The following AKAP6 variants were observed in gnomAD, a reference collection of about 807,000 sequenced individuals.
AKAP6 encodes the protein A-kinase anchoring protein 6, also known as A-kinase anchor protein 6.
AKAP6 carries 58 observed loss-of-function variants against 188.5 expected under a neutral mutation model. The ratio of observed to expected loss-of-function variants is 0.31; its 90% CI spans 0.25 to 0.38. The LOEUF (loss-of-function observed/expected upper bound fraction) is 0.38. Ranked by LOEUF, AKAP6 falls within the 10% of genes least tolerant of loss-of-function variation. The probability of loss-of-function intolerance (pLI) is 1.00; values close to 1 mark genes in which losing one functional copy is unlikely to be tolerated. For missense variants in AKAP6, 2,710 were observed against 2,740.0 expected (o/e 0.99, Z 0.24); for synonymous variants, 989 against 998.6 (o/e 0.99, Z 0.18).
intron 11 of AKAP6, among the ~76,000 whole-genome samples, chr14:32,742,947 T>C (rs2031741670): frequency 6.6e-6 from 1 of 152,152 alleles, no homozygotes; most frequent in Non-Finnish European, 1.5e-5. Flanking sequence ...AGAAGATCTG[T>C]CTGATGCTGA....
chr14:32,686,561 T>C (rs1260122297), intron 8 of AKAP6, among the ~76,000 whole-genome samples: 1 of 152,002 alleles, frequency 6.6e-6, no homozygotes, highest in Non-Finnish European at 1.5e-5. Context: ...ACTCCATAAA[T>C]ATATATACGT....
chr14:32,687,367 A>C (rs1183319712), intron 8 of AKAP6, among the ~76,000 whole-genome samples: 1 of 150,556 alleles, frequency 6.6e-6, no homozygotes, highest in Non-Finnish European at 1.5e-5. Flanking sequence ...GTTGAGCAGC[A>C]TGCCAAAATA....
At chr14:32,633,779 T>C (rs535982371) in intron 7 of AKAP6, among the ~76,000 whole-genome samples, 1 of 152,236 alleles carries the variant, frequency 6.6e-6, no homozygotes, top group East Asian at 1.9e-4. Flanking sequence ...GGGTTGTTAC[T>C]GCAGCAAAGC....
intron 11 of AKAP6, 124 bp from the exon 12 acceptor site, chr14:32,773,554 T>C (rs1008583011): frequency 2.2e-6 from 2 of 907,244 alleles, no homozygotes; most frequent in Non-Finnish European, 1.7e-6. Context: ...AGAGCTCTTC[T>C]TGTCCTATTG....
At chr14:32,547,843 CA>C (rs11342356) in intron 4 of AKAP6, among the ~76,000 whole-genome samples, 57,654 of 135,858 alleles carry the variant, frequency 0.42, 11,100 homozygotes, top group Non-Finnish European at 0.45. Context: ...GACCCTGTCT[CA>C]AAAAAAAAAA....
At chr14:32,538,170 TGAC>T (rs958092518) in intron 3 of AKAP6, among the ~76,000 whole-genome samples, 2 of 152,232 alleles carry the variant, frequency 1.3e-5, no homozygotes, top group African/African-American at 4.8e-5. Flanking sequence ...GTGTCTAGTG[TGAC>T]TCTATGAGGA....
At chr14:32,536,921 G>A (rs1014460748) in intron 3 of AKAP6, among the ~76,000 whole-genome samples, 15 of 152,146 alleles carry the variant, frequency 9.9e-5, no homozygotes, top group Non-Finnish European at 1.6e-4. Flanking sequence ...TAGTCCTTCG[G>A]CTCTTAATAC....
intron 2 of AKAP6, among the ~76,000 whole-genome samples, chr14:32,534,971 A>G (rs1455943104): frequency 6.8e-6 from 1 of 147,418 alleles, no homozygotes; most frequent in African/African-American, 2.7e-5. Flanking sequence ...ATCTAAAAAA[A>G]AAAAAACAAA....
chr14:32,627,215 G>A (rs996784479), intron 7 of AKAP6, among the ~76,000 whole-genome samples: 17 of 152,118 alleles, frequency 1.1e-4, no homozygotes, highest in Admixed American at 2.0e-4. Flanking sequence ...AGATTATTTT[G>A]CCTTTATTCT....
chr14:32,722,897 A>C (rs2030624610), intron 9 of AKAP6, among the ~76,000 whole-genome samples: 1 of 152,222 alleles, frequency 6.6e-6, no homozygotes, highest in African/African-American at 2.4e-5. Context: ...CTCTTCGCTA[A>C]GCTGTTTAAC....
intron 2 of AKAP6, among the ~76,000 whole-genome samples, chr14:32,450,799 G>A (rs78093701): frequency 6.6e-5 from 10 of 152,052 alleles, no homozygotes; most frequent in East Asian, 1.9e-4. Context: ...GGGAGGAATC[G>A]AATTAATTGA....
rs1275780929 is a variant in AKAP6 at position 32,823,093 on chromosome 14, C to T, written c.5280C>T (p.Thr1760=). 6.2e-7 allele frequency: 1 copy of T among 1,613,774 alleles called. No individual in the cohort carries two copies. The highest frequency in any genetic ancestry group is 8.5e-7 in the Non-Finnish European group (1 of 1,179,884). The change falls in exon 13 of 14, where the codon ACC becomes ACT. Residue 1760 remains threonine (T), a synonymous_variant. Coordinates refer to ENST00000280979, the MANE Select transcript of AKAP6 (RefSeq NM_004274.5). Reference sequence around the variant, plus strand: ...ACAGCGACCTGCTCTCCAGCTCTACCCTTACCTTGACTGAAGAAGAGCTGT... The same window carrying T: ...ACAGCGACCTGCTCTCCAGCTCTACTCTTACCTTGACTGAAGAAGAGCTGT... ...EDDSDLLSSS[T]LTLTEEELCI...
chr14:32,368,106 T>TCC (rs1263211263), intron 1 of AKAP6, among the ~76,000 whole-genome samples: 1 of 150,326 alleles, frequency 6.7e-6, no homozygotes, highest in Non-Finnish European at 1.5e-5. Context: ...TCCCTCTGTC[T>TCC]CTCTCTCTCT....
chr14:32,449,137 G>C (rs538049372), intron 2 of AKAP6, among the ~76,000 whole-genome samples: 4 of 152,182 alleles, frequency 2.6e-5, no homozygotes, highest in East Asian at 3.9e-4. Flanking sequence ...CTCTACAAAG[G>C]CTTTCTATAA....
rs371301367 is a variant in AKAP6, at chr14:32,727,897, G to C, written c.3001-4557G>C. On this transcript the variant is annotated intron_variant, in intron 9 of 13. Transcript: ENST00000280979. Reference sequence around the variant, plus strand: ...TTTCTTCAGTTTTGAACATCTTCTTGAAGTGTTGGTGGTACTGACTCCATG... The same window carrying C: ...TTTCTTCAGTTTTGAACATCTTCTTCAAGTGTTGGTGGTACTGACTCCATG... 2.5e-4 allele frequency among the ~76,000 whole-genome samples: 38 copies of C among 152,268 alleles called. 2 individuals are homozygous for C. In the South Asian group the frequency reaches 7.3e-3, roughly 29 times the overall value.
intron 9 of AKAP6, among the ~76,000 whole-genome samples, chr14:32,721,313 T>G (rs2139787786): frequency 6.6e-6 from 1 of 152,324 alleles, no homozygotes; most frequent in South Asian, 2.1e-4. Flanking sequence ...ATGCTGCTGG[T>G]AGCAAGGATT....
At chr14:32,554,903 G>A (rs17413545) in intron 4 of AKAP6, among the ~76,000 whole-genome samples, 5,629 of 152,286 alleles carry the variant, frequency 0.037, 136 homozygotes, top group Non-Finnish European at 0.058. Context: ...TGTCCTGGAA[G>A]ATACGACTTA....
At chr14:32,536,538 G>A (rs1454372208) in intron 3 of AKAP6, among the ~76,000 whole-genome samples, 2 of 152,116 alleles carry the variant, frequency 1.3e-5, no homozygotes, top group Non-Finnish European at 2.9e-5. Flanking sequence ...AAGAGATTTG[G>A]ACTTCATTTT....
In AKAP6 at chr14:32,708,755, C is replaced by T. The variant is rs1594868976; in HGVS notation, c.3000+12645C>T. Among the ~76,000 whole-genome samples, 5 of 151,966 alleles carry T rather than the reference C, an allele frequency of 3.3e-5. No homozygotes were observed. In the South Asian group the frequency reaches 8.3e-4, roughly 25 times the overall value. On this transcript the variant is annotated intron_variant, in intron 9 of 13. Coordinates refer to ENST00000280979, the MANE Select transcript of AKAP6 (RefSeq NM_004274.5). ...ATTTGTAATCACTTCACTTCTTGGC[C>T]CTCTTTGTGTCCACCTTGACATCCT... is the stretch of plus-strand genomic sequence containing the variant.
Sources: allele counts gnomAD v4.1 joint callset (sites outside exome capture counted in the v4.1 genomes callset), GRCh38; gene constraint gnomAD v4.1.1; transcripts MANE v1.5; gene names NCBI Gene and HGNC (gene_info 2026-07-23, HGNC 2026-07-21).